PRKCA: variants seen among roughly 807,000 people sequenced by gnomAD.
The protein encoded by PRKCA is protein kinase C alpha.
In PRKCA, 27 loss-of-function variants were observed where a neutral mutation model predicts 87.0. The ratio of observed to expected loss-of-function variants is 0.31; its 90% CI spans 0.23 to 0.43. The LOEUF is 0.43. Ranked by LOEUF, PRKCA falls within the 20% of genes least tolerant of loss-of-function variation. The probability of loss-of-function intolerance (pLI) is 1.00; values close to 1 mark genes in which losing one functional copy is unlikely to be tolerated. For synonymous variants in PRKCA, 329 were observed against 311.1 expected (o/e 1.06, Z -0.61); for missense variants, 518 against 852.3 (o/e 0.61, Z 4.88).
intron 3 of PRKCA, among the ~76,000 whole-genome samples, chr17:66,625,359 A>C (rs1970822586): frequency 6.6e-6 from 1 of 152,242 alleles, no homozygotes. Context: ...CAAATTCATC[A>C]GAAGTGCAAT....
intron 3 of PRKCA, among the ~76,000 whole-genome samples, chr17:66,622,010 C>G (rs966593851): frequency 6.7e-6 from 1 of 150,108 alleles, no homozygotes; most frequent in South Asian, 2.2e-4. Context: ...AGGATCAGCC[C>G]GGGCAACATA....
At chr17:66,772,571 C>T (rs1352807895) in intron 13 of PRKCA, among the ~76,000 whole-genome samples, 3 of 151,966 alleles carry the variant, frequency 2.0e-5, no homozygotes, top group Admixed American at 1.3e-4. Context: ...TGCTGAGTAC[C>T]TGTTAGTGTG....
intron 2 of PRKCA, among the ~76,000 whole-genome samples, chr17:66,393,866 G>A (rs1280785239): frequency 6.6e-6 from 1 of 152,114 alleles, no homozygotes; most frequent in East Asian, 1.9e-4. Flanking sequence ...TTGAGGTCAG[G>A]AGTTTGAGAC....
chr17:66,384,873 GC>G (rs974920184), intron 2 of PRKCA, among the ~76,000 whole-genome samples: 1 of 151,876 alleles, frequency 6.6e-6, no homozygotes, highest in African/African-American at 2.4e-5. Context: ...CTCGTGATCC[GC>G]CCCCCTCAGC....
At chr17:66,526,657 C>T (rs1399659328) in intron 3 of PRKCA, among the ~76,000 whole-genome samples, 1 of 151,988 alleles carries the variant, frequency 6.6e-6, no homozygotes, top group African/African-American at 2.4e-5. Context: ...CAAAGTGAGT[C>T]ACATGGCTAA....
chr17:66,481,244 G>C (rs1448558735), intron 2 of PRKCA, among the ~76,000 whole-genome samples: 1 of 152,078 alleles, frequency 6.6e-6, no homozygotes, highest in Admixed American at 6.5e-5. Flanking sequence ...CTCCAGGGGG[G>C]CCCCTGAGCG....
chr17:66,323,655 A>T (rs1187003966), intron 2 of PRKCA, among the ~76,000 whole-genome samples: 1 of 152,182 alleles, frequency 6.6e-6, no homozygotes, highest in Non-Finnish European at 1.5e-5. Flanking sequence ...AGAATTGCTA[A>T]TCAGATGGGC....
At chr17:66,373,825 T>A (rs1909250074) in intron 2 of PRKCA, among the ~76,000 whole-genome samples, 1 of 152,176 alleles carries the variant, frequency 6.6e-6, no homozygotes, top group African/African-American at 2.4e-5. Flanking sequence ...TGTAACATCT[T>A]CAGTATTCAA....
intron 2 of PRKCA, among the ~76,000 whole-genome samples, chr17:66,406,840 C>T (rs933919769): frequency 6.6e-6 from 1 of 151,950 alleles, no homozygotes; most frequent in African/African-American, 2.4e-5. Context: ...CAGCTTAGTG[C>T]AGAGTTTTAC....
At chr17:66,592,949 C>T (rs983151411) in intron 3 of PRKCA, among the ~76,000 whole-genome samples, 1 of 152,114 alleles carries the variant, frequency 6.6e-6, no homozygotes, top group Non-Finnish European at 1.5e-5. Flanking sequence ...TGTGCCACCA[C>T]ACTCAGATAA....
intron 3 of PRKCA, among the ~76,000 whole-genome samples, chr17:66,580,461 A>G (rs1429119359): frequency 6.6e-6 from 1 of 152,184 alleles, no homozygotes; most frequent in African/African-American, 2.4e-5. Flanking sequence ...TTGGCTCTCC[A>G]TATAGGCCTG....
chr17:66,735,904 TTTTC>T (rs1163053186), intron 10 of PRKCA, among the ~76,000 whole-genome samples: 19 of 146,424 alleles, frequency 1.3e-4, no homozygotes, highest in African/African-American at 3.3e-4. Context: ...TTCTTTTTCT[TTTTC>T]TTTCTTTCTT....
intron 2 of PRKCA, among the ~76,000 whole-genome samples, chr17:66,392,910 G>T (rs1487294805): frequency 1.3e-5 from 2 of 152,122 alleles, no homozygotes; most frequent in African/African-American, 2.4e-5. Context: ...GCACTCTGGG[G>T]AGAGTGTTCG....
At chr17:66,592,210 C>G (rs1350206572) in intron 3 of PRKCA, among the ~76,000 whole-genome samples, 2 of 151,816 alleles carry the variant, frequency 1.3e-5, no homozygotes, top group African/African-American at 4.8e-5. Context: ...CAAAAATTAG[C>G]CGGGCATGGT....
chr17:66,446,690 G>C (rs946445340), intron 2 of PRKCA, among the ~76,000 whole-genome samples: 1 of 152,162 alleles, frequency 6.6e-6, no homozygotes, highest in Non-Finnish European at 1.5e-5. Context: ...AGGCAGCACT[G>C]CCCTGTTCAG....
intron 2 of PRKCA, among the ~76,000 whole-genome samples, chr17:66,465,023 A>G (rs1361692583): frequency 6.6e-6 from 1 of 152,190 alleles, no homozygotes; most frequent in African/African-American, 2.4e-5. Context: ...TTAATTAAAT[A>G]CAAAGGGATT....
chr17:66,773,818 G>C (rs1017384506), intron 13 of PRKCA, among the ~76,000 whole-genome samples, 169 bp from the exon 14 acceptor site: 2 of 151,988 alleles, frequency 1.3e-5, no homozygotes, highest in Admixed American at 1.3e-4. Context: ...ATAGTTCTCC[G>C]TGTGTCTGAT....
At chr17:66,473,764 G>A (rs1351178550) in intron 2 of PRKCA, among the ~76,000 whole-genome samples, 1 of 152,026 alleles carries the variant, frequency 6.6e-6, no homozygotes, top group Non-Finnish European at 1.5e-5. Context: ...GTGAAACCCC[G>A]TCTCTACTAA....
intron 2 of PRKCA, among the ~76,000 whole-genome samples, chr17:66,315,240 C>A (rs545837839): frequency 3.3e-5 from 5 of 152,196 alleles, no homozygotes; most frequent in African/African-American, 9.6e-5. Context: ...GTTGTGATTC[C>A]CGTTTTACAG....
Sources: gnomAD v4.1 joint callset for allele counts (sites outside exome capture counted in the v4.1 genomes callset) on GRCh38, gnomAD v4.1.1 for gene constraint, MANE v1.5 for transcripts, NCBI Gene and HGNC (gene_info 2026-07-23, HGNC 2026-07-21) for gene names.